The following DDAH1 variants were observed in gnomAD, a reference collection of about 807,000 sequenced individuals.
The protein encoded by DDAH1 is dimethylarginine dimethylaminohydrolase 1, also known as N(G),N(G)-dimethylarginine dimethylaminohydrolase 1.
In DDAH1, 19 loss-of-function variants were observed where a neutral mutation model predicts 28.8. The ratio of observed to expected loss-of-function variants is 0.66; its 90% CI spans 0.46 to 0.97. The LOEUF (loss-of-function observed/expected upper bound fraction) is 0.97. Ranked by LOEUF, DDAH1 falls within the 50% of genes least tolerant of loss-of-function variation. DDAH1 has a pLI of 0.00. For missense variants in DDAH1, 326 were observed against 375.9 expected, an observed-to-expected ratio of 0.87 and a Z score of 1.10; for synonymous variants, 153 against 154.4, an observed-to-expected ratio of 0.99 and a Z score of 0.07.
chr1:85,537,221 T>A (rs1295042117), intron 1 of DDAH1, among the ~76,000 whole-genome samples: 1 of 151,214 alleles, frequency 6.6e-6, no homozygotes, highest in African/African-American at 2.4e-5. Flanking sequence ...GTAGTCCCAG[T>A]TACTCAGGAG....
At chr1:85,424,563 T>G (rs1223146969) in intron 1 of DDAH1, among the ~76,000 whole-genome samples, 1 of 152,060 alleles carries the variant, frequency 6.6e-6, no homozygotes, top group Non-Finnish European at 1.5e-5. Flanking sequence ...TTTAAAAAAC[T>G]ATTTTTCCCC....
At chr1:85,337,927 G>GCAATCCACA (rs1648242453) in intron 4 of DDAH1, among the ~76,000 whole-genome samples, 1 of 152,130 alleles carries the variant, frequency 6.6e-6, no homozygotes, top group Non-Finnish European at 1.5e-5. Flanking sequence ...ATCCTTCTGT[G>GCAATCCACA]CAATCCACAC....
At chr1:85,322,980 C>A (rs1019595912) in intron 5 of DDAH1, among the ~76,000 whole-genome samples, 3 of 151,952 alleles carry the variant, frequency 2.0e-5, no homozygotes, top group African/African-American at 4.8e-5. Flanking sequence ...TTTTAGCAAC[C>A]CTGATGTGCA....
chr1:85,473,512 G>A (rs1655690014), intron 2 of DDAH1, among the ~76,000 whole-genome samples: 1 of 151,718 alleles, frequency 6.6e-6, no homozygotes, highest in Non-Finnish European at 1.5e-5. Flanking sequence ...CACGCGCACA[G>A]GGCTCTGATA....
chr1:85,334,974 C>T (rs893270229), intron 4 of DDAH1, among the ~76,000 whole-genome samples: 7 of 151,942 alleles, frequency 4.6e-5, no homozygotes, highest in Non-Finnish European at 1.0e-4. Flanking sequence ...TCAGAGTTTC[C>T]CAAACAACCA....
At chr1:85,477,824 T>A (rs1439567145) in intron 2 of DDAH1, among the ~76,000 whole-genome samples, 2 of 152,120 alleles carry the variant, frequency 1.3e-5, no homozygotes, top group African/African-American at 4.8e-5. Flanking sequence ...AATTAGCATA[T>A]GCATCAATAA....
chr1:85,497,463 T>A (rs1026369814), intron 1 of DDAH1, among the ~76,000 whole-genome samples: 1 of 152,248 alleles, frequency 6.6e-6, no homozygotes, highest in African/African-American at 2.4e-5. Flanking sequence ...GTACTAACTG[T>A]TAAATTGGCC....
chr1:85,359,340 T>A (rs868540142), intron 1 of DDAH1, among the ~76,000 whole-genome samples: 1 of 152,094 alleles, frequency 6.6e-6, no homozygotes, highest in Non-Finnish European at 1.5e-5. Flanking sequence ...TTAGGGCACA[T>A]GAGTAAAGGA....
At chr1:85,380,265 G>A (rs766240723) in intron 1 of DDAH1, 5 of 152,120 alleles carry the variant, frequency 3.3e-5, no homozygotes, top group Non-Finnish European at 7.4e-5. Flanking sequence ...TTTCTTATAA[G>A]TAGATAATCC....
chr1:85,550,680 A>T (rs1658757426), intron 1 of DDAH1, among the ~76,000 whole-genome samples: 1 of 152,162 alleles, frequency 6.6e-6, no homozygotes, highest in Admixed American at 6.5e-5. Flanking sequence ...GGAAGATGCA[A>T]AATGTTACAT....
intron 1 of DDAH1, among the ~76,000 whole-genome samples, chr1:85,558,115 C>A (rs1659036327): frequency 6.6e-6 from 1 of 151,998 alleles, no homozygotes; most frequent in South Asian, 2.1e-4. Context: ...GCCTGTAATC[C>A]CAGCACTTTA....
At chr1:85,381,019 C>T (rs1280957271) in intron 1 of DDAH1, among the ~76,000 whole-genome samples, 2 of 150,558 alleles carry the variant, frequency 1.3e-5, no homozygotes, top group African/African-American at 4.9e-5. Context: ...GGTGGATTAC[C>T]TGAGGTCAGG....
intron 4 of DDAH1, among the ~76,000 whole-genome samples, chr1:85,346,021 CA>C (rs1648819463): frequency 6.6e-6 from 1 of 152,208 alleles, no homozygotes; most frequent in Non-Finnish European, 1.5e-5. Flanking sequence ...TGATGATCTC[CA>C]TAAGAATCCA....
chr1:85,442,718 A>G (rs1654257066), intron 1 of DDAH1, among the ~76,000 whole-genome samples: 1 of 152,166 alleles, frequency 6.6e-6, no homozygotes, highest in African/African-American at 2.4e-5. Context: ...AATGATTGCC[A>G]TTCTAACTGG....
rs1446093156 is a variant in DDAH1 at position 85,553,826 on chromosome 1, C to T, written c.-123+24158G>A. On this transcript the variant is annotated intron_variant, in intron 1 of 6. Coordinates refer to the DDAH1 transcript ENST00000426972. ...TAACTGGATATGTGATCTGGACTCT[C>T]CTTCCTTCTGAAACATTGTAGTGAG... Among the ~76,000 whole-genome samples, 4 of 152,168 alleles carry T rather than the reference C, an allele frequency of 2.6e-5. No individual in the cohort carries two copies. In the East Asian group the frequency reaches 7.7e-4, roughly 29 times the overall value.
At chr1:85,442,743 T>C (rs1239356924) in intron 1 of DDAH1, among the ~76,000 whole-genome samples, 8 of 152,222 alleles carry the variant, frequency 5.3e-5, no homozygotes, top group Non-Finnish European at 8.8e-5. Context: ...AGATGGTATC[T>C]CATTGTGGTT....
chr1:85,454,536 G>C (rs12717764), intron 1 of DDAH1, among the ~76,000 whole-genome samples: 48,128 of 152,136 alleles, frequency 0.32, 7,699 homozygotes, highest in South Asian at 0.39. Context: ...CAGTTGAAAG[G>C]GGATGCGGTC....
At chr1:85,500,047 C>T (rs1411745497) in intron 1 of DDAH1, among the ~76,000 whole-genome samples, 1 of 129,666 alleles carries the variant, frequency 7.7e-6, no homozygotes, top group Non-Finnish European at 1.9e-5. Flanking sequence ...CTTCCCCTTT[C>T]TTTCTCTCTC....
At chr1:85,411,933 C>G (rs929746724) in intron 1 of DDAH1, among the ~76,000 whole-genome samples, 2 of 152,140 alleles carry the variant, frequency 1.3e-5, no homozygotes, top group Non-Finnish European at 2.9e-5. Context: ...AAAAGCAGAA[C>G]CTCCAATCTA....
Sources: gnomAD v4.1 joint callset for allele counts (sites outside exome capture counted in the v4.1 genomes callset) on GRCh38, gnomAD v4.1.1 for gene constraint, MANE v1.5 for transcripts, NCBI Gene and HGNC (gene_info 2026-07-23, HGNC 2026-07-21) for gene names.